Variants in DNAH5 observed in about 807,000 individuals in gnomAD.
DNAH5 encodes dynein axonemal heavy chain 5.
DNAH5 carries 372 observed loss-of-function variants against 518.2 expected under a neutral mutation model. The ratio of observed to expected loss-of-function variants is 0.72; its 90% CI spans 0.66 to 0.78. The LOEUF (loss-of-function observed/expected upper bound fraction) is 0.78, where lower values mean the gene tolerates loss of function less well. Among genes scored for constraint, DNAH5 ranks in the 30% least tolerant of loss-of-function variants. The pLI, the probability that DNAH5 is intolerant of heterozygous loss-of-function variation, is 0.00. For synonymous variants in DNAH5, 2,039 were observed against 2,025.9 expected, an observed-to-expected ratio of 1.01 and a Z score of -0.17; for missense variants, 5,523 against 5,687.0, an observed-to-expected ratio of 0.97 and a Z score of 0.93.
At chr5:13,947,458 G>A (rs1482149247), upstream of DNAH5, among the ~76,000 whole-genome samples, 2 of 152,022 alleles carry the variant, frequency 1.3e-5, no homozygotes, top group Non-Finnish European at 2.9e-5. Context: ...CCTAAAACTG[G>A]TAATGATTTA....
At chr5:13,900,495 A>T (rs1774460878) in intron 14 of DNAH5, 83 bp from the exon 15 acceptor site, 2 of 1,147,984 alleles carry the variant, frequency 1.7e-6, no homozygotes, top group South Asian at 2.6e-5. Context: ...AGGAATAAGG[A>T]TCATTAAATG....
chr5:13,815,024 A>G (rs1189849613), intron 42 of DNAH5, among the ~76,000 whole-genome samples, 178 bp from the exon 43 acceptor site: 1 of 152,246 alleles, frequency 6.6e-6, no homozygotes, highest in Non-Finnish European at 1.5e-5. Context: ...AAAGATCTTT[A>G]TATAGTAGTC....
At chr5:13,948,904 T>G (rs1198498029), upstream of DNAH5, among the ~76,000 whole-genome samples, 1 of 152,116 alleles carries the variant, frequency 6.6e-6, no homozygotes, top group African/African-American at 2.4e-5. Context: ...ACTCGCAAGC[T>G]GAATAAAAGG....
In DNAH5 at chr5:13,846,504, G is replaced by A. The variant is rs75299788; in HGVS notation, c.5115-1511C>T. Among the ~76,000 whole-genome samples the A allele has an allele frequency of 4.7e-3, 715 of 152,254 alleles. 15 individuals carry two copies. The highest frequency in any genetic ancestry group is 0.04 in the East Asian group (208 of 5,184). On this transcript the variant is annotated intron_variant, in intron 31 of 78. Coordinates refer to ENST00000265104, the MANE Select transcript of DNAH5 (RefSeq NM_001369.3). ...GCGTGCGGAGTGCTGGACAGTTCAC[G>A]ATTCGTCAACTGCTGGACTCGTTTT...
intron 47 of DNAH5, among the ~76,000 whole-genome samples, chr5:13,803,516 T>C (rs1759094450): frequency 6.6e-6 from 1 of 152,230 alleles, no homozygotes; most frequent in African/African-American, 2.4e-5. Context: ...ACATGGACCC[T>C]GGTTTCCAGC....
At chr5:13,748,526 C>T (rs1244746913) in intron 65 of DNAH5, among the ~76,000 whole-genome samples, 1 of 152,054 alleles carries the variant, frequency 6.6e-6, no homozygotes, top group African/African-American at 2.4e-5. Context: ...GAATGTTCTT[C>T]CATTTGTTTG....
chr5:13,697,511 C>CTA (rs1741540693), intron 78 of DNAH5, among the ~76,000 whole-genome samples: 1 of 152,214 alleles, frequency 6.6e-6, no homozygotes, highest in Non-Finnish European at 1.5e-5. Context: ...GCCTCTCTAG[C>CTA]TTGTTGTCCT....
intron 53 of DNAH5, among the ~76,000 whole-genome samples, chr5:13,778,554 G>GAA (rs1203758380): frequency 1.6e-5 from 1 of 60,772 alleles, no homozygotes; most frequent in Non-Finnish European, 3.5e-5. Context: ...AAGAAAGAAA[G>GAA]AAAGAAAGAA....
intron 76 of DNAH5, among the ~76,000 whole-genome samples, chr5:13,701,997 A>G (rs1205773352): frequency 6.6e-6 from 1 of 152,232 alleles, no homozygotes; most frequent in Non-Finnish European, 1.5e-5. Flanking sequence ...TTATCCCTTT[A>G]GAATACATTT....
intron 3 of DNAH5, 65 bp downstream of exon 3, chr5:13,928,029 T>C (rs1384206523): frequency 1.4e-6 from 2 of 1,410,752 alleles, no homozygotes; most frequent in Non-Finnish European, 2.0e-6. Context: ...AGCTTTCTTC[T>C]TCAAGCTACC....
Position 13,830,086 on chromosome 5 carries a change from A to G in DNAH5, c.6189T>C (p.Phe2063=), listed in dbSNP as rs1763432683. The change falls in exon 37 of 79, where the codon TTT becomes TTC. Residue 2063 remains phenylalanine, a synonymous_variant. Coordinates refer to ENST00000265104, the MANE Select transcript of DNAH5 (RefSeq NM_001369.3). ...LTCKKEHKKS[F]IFTDGDNVTM... ...TCACATTATCTCCATCAGTAAAGATAAAAGACTTTTTGTGCTCCTTTTTAC... is the reference window on the plus strand; with the variant it reads ...TCACATTATCTCCATCAGTAAAGATGAAAGACTTTTTGTGCTCCTTTTTAC... 1 of 1,614,144 alleles carries G rather than the reference A, an allele frequency of 6.2e-7. No homozygotes were observed. Among genetic ancestry groups the G allele is most frequent in the Non-Finnish European group, 8.5e-7 (1 of 1,179,996 alleles).
chr5:13,795,934 A>G (rs1757750380), intron 47 of DNAH5, among the ~76,000 whole-genome samples: 1 of 152,232 alleles, frequency 6.6e-6, no homozygotes, highest in Admixed American at 6.5e-5. Flanking sequence ...TATAAACAGA[A>G]CCAACAACAA....
chr5:13,715,930 C>T (rs901721579), intron 74 of DNAH5, among the ~76,000 whole-genome samples: 2 of 152,190 alleles, frequency 1.3e-5, no homozygotes, highest in Non-Finnish European at 2.9e-5. Context: ...AGGCCAGCCC[C>T]CTACAACACA....
At chr5:13,698,136 G>A (rs1433788333) in intron 78 of DNAH5, among the ~76,000 whole-genome samples, 1 of 152,178 alleles carries the variant, frequency 6.6e-6, no homozygotes, top group African/African-American at 2.4e-5. Context: ...CCTTCTGTCT[G>A]TGACCATGGA....
At chr5:13,832,474 T>C (rs940277619) in intron 35 of DNAH5, among the ~76,000 whole-genome samples, 2 of 152,246 alleles carry the variant, frequency 1.3e-5, no homozygotes, top group African/African-American at 4.8e-5. Context: ...ATTCTACATG[T>C]GAGTGTATCT....
intron 1 of DNAH5, among the ~76,000 whole-genome samples, chr5:13,987,429 G>A (rs189117720): frequency 2.6e-5 from 4 of 152,016 alleles, no homozygotes; most frequent in African/African-American, 4.8e-5. Flanking sequence ...AGCAGATTAC[G>A]GTGACAGCTA....
At chr5:13,952,247 A>G (rs773007650) in intron 1 of DNAH5, among the ~76,000 whole-genome samples, 1 of 152,222 alleles carries the variant, frequency 6.6e-6, no homozygotes, top group Non-Finnish European at 1.5e-5. Context: ...CGCCCACACT[A>G]AGGAGTCTGG....
At chr5:14,010,227 G>C (rs1388865748) in intron 1 of DNAH5, among the ~76,000 whole-genome samples, 1 of 152,152 alleles carries the variant, frequency 6.6e-6, no homozygotes, top group Non-Finnish European at 1.5e-5. Context: ...TAGATGAAAA[G>C]AGGTATGTCA....
intron 30 of DNAH5, among the ~76,000 whole-genome samples, chr5:13,858,570 A>G (rs968360712): frequency 8.5e-3 from 2 of 234 alleles, no homozygotes; most frequent in African/African-American, 0.048. Context: ...ATATAATTTA[A>G]AAAAAAAATC....
Sources: allele counts gnomAD v4.1 joint callset (sites outside exome capture counted in the v4.1 genomes callset), GRCh38; gene constraint gnomAD v4.1.1; transcripts MANE v1.5; gene names NCBI Gene and HGNC (gene_info 2026-07-23, HGNC 2026-07-21).